PLXND1: variants seen among roughly 807,000 people sequenced by gnomAD.
PLXND1 encodes plexin D1.
Under a neutral mutation model 197.7 loss-of-function variants are expected in PLXND1, and 54 were observed. The observed-to-expected ratio is 0.27, with a 90% CI of 0.22 to 0.34. The LOEUF is 0.34. Ranked by LOEUF, PLXND1 falls within the 10% of genes least tolerant of loss-of-function variation. The probability of loss-of-function intolerance (pLI) is 1.00; values close to 1 mark genes in which losing one functional copy is unlikely to be tolerated. For synonymous variants in PLXND1, 1,180 were observed against 1,161.2 expected, an observed-to-expected ratio of 1.02 and a Z score of -0.33; for missense variants, 2,127 against 2,699.2, an observed-to-expected ratio of 0.79 and a Z score of 4.70.
rs1364346320 is a variant in PLXND1, at chr3:129,571,787, C to A, written c.3135G>T (p.Val1045=). Reference sequence around the variant, plus strand: ...GACGCTCGAAGCGCACACACACAGGCACCGGAGCCGGCAGGGCCCCCTCAG... The same window carrying A: ...GACGCTCGAAGCGCACACACACAGGAACCGGAGCCGGCAGGGCCCCCTCAG... ...TMPEGALPAP[V]PVCVRFERRG... Residue 1045 remains valine (V), a synonymous_variant, in exon 16 of 36, where the codon GTG becomes GTT. Coordinates refer to ENST00000324093, the MANE Select transcript of PLXND1 (RefSeq NM_015103.3). 14 of 1,613,168 alleles carry A rather than the reference C, an allele frequency of 8.7e-6. No homozygotes were observed. The highest frequency in any genetic ancestry group is 1.1e-5 in the Non-Finnish European group (13 of 1,179,918).
Position 129,555,397 on chromosome 3 carries a change from CA to C in PLXND1, c.*914del, listed in dbSNP as rs2084959035. 7 of 635,408 alleles carry C rather than the reference CA, an allele frequency of 1.1e-5. No individual in the cohort carries two copies. Among genetic ancestry groups the C allele is most frequent in the East Asian group, 6.0e-5 (2 of 33,592 alleles). The allele number at this position is 635,408 out of a possible 1,614,324, so 39.4% of individuals were successfully genotyped here. ...CGGAGTGGGTGGTAGTCTCAGGCGC[CA>C]GGGGCGCTCTGCCAGGTCTGCCCGC... On this transcript the variant is annotated 3_prime_UTR_variant, in exon 36 of 36. Coordinates refer to ENST00000324093, the MANE Select transcript of PLXND1 (RefSeq NM_015103.3).
chr3:129,583,702 T>TGG (rs1362045790), intron 7 of PLXND1, 33 bp from the exon 8 acceptor site: 1 of 1,411,032 alleles, frequency 7.1e-7, no homozygotes, highest in Non-Finnish European at 9.9e-7. Flanking sequence ...AACTCCTGGT[T>TGG]CCCCACCCCT....
In PLXND1 at chr3:129,595,921, G is replaced by GCGCGCACACACACACACACA. The variant is rs138452605; in HGVS notation, c.1312-6395_1312-6394insTGTGTGTGTGTGTGTGCGCG. 4.2e-4 allele frequency among the ~76,000 whole-genome samples: 62 copies of GCGCGCACACACACACACACA among 146,506 alleles called. No individual in the cohort carries two copies. The South Asian group carries it at 8.0e-3, about 19-fold the overall frequency. On this transcript the variant is annotated intron_variant, in intron 1 of 35. Coordinates refer to ENST00000324093, the MANE Select transcript of PLXND1 (RefSeq NM_015103.3). ...CTTACAGCCCTGGGGGTGCACGCAC[G>GCGCGCACACACACACACACA]CACACACACACACACACACACACAC... is the stretch of plus-strand genomic sequence containing the variant.
intron 18 of PLXND1, 29 bp from the exon 19 acceptor site, chr3:129,570,964 T>C (rs2085216216): frequency 6.2e-7 from 1 of 1,613,978 alleles, no homozygotes; most frequent in South Asian, 1.1e-5. Context: ...AGGATGCTCA[T>C]GGGGAAGTGC....
At chr3:129,565,817 A>G in intron 24 of PLXND1, 70 bp downstream of exon 24, 1 of 1,526,144 alleles carries the variant, frequency 6.6e-7, no homozygotes, top group African/African-American at 1.4e-5. Flanking sequence ...CCCAGGACCC[A>G]GGACCTGATG....
intron 2 of PLXND1, 99 bp from the exon 3 acceptor site, chr3:129,586,818 T>A (rs1388389196): frequency 3.9e-5 from 55 of 1,398,914 alleles, no homozygotes; most frequent in Non-Finnish European, 4.5e-5. Context: ...TGCCTCCCCA[T>A]CCTGTCTTGG....
At chr3:129,600,046 G>A (rs1280694666) in intron 1 of PLXND1, among the ~76,000 whole-genome samples, 1 of 152,210 alleles carries the variant, frequency 6.6e-6, no homozygotes, top group Non-Finnish European at 1.5e-5. Flanking sequence ...GCGCGAGCTC[G>A]GCGACGGTTT....
intron 12 of PLXND1, 142 bp downstream of exon 12, chr3:129,574,194 C>G (rs750209864): frequency 1.4e-6 from 1 of 706,728 alleles, no homozygotes; most frequent in Non-Finnish European, 2.3e-6. Flanking sequence ...AGGCAGAGCA[C>G]TTCCTTTTGT....
At position 129,569,891 on chromosome 3, in the gene PLXND1, T is replaced by A. The variant is rs1298997689; in HGVS notation, c.3817A>T (p.Ile1273Phe). 14 of 1,613,428 alleles carry A rather than the reference T, an allele frequency of 8.7e-6. No individual in the cohort carries two copies. Among genetic ancestry groups the A allele is most frequent in the Admixed American group, 1.7e-5 (1 of 60,024 alleles). The change falls in exon 20 of 36, where the codon ATC becomes TTC. Residue 1273 changes from isoleucine to phenylalanine, a missense_variant. Ile to Phe is a conservative substitution (Grantham distance 21). This residue lies in a region of PLXND1 where 532 missense variants were observed against 811.0 expected (regional missense o/e 0.66). Transcript: ENST00000324093. ...LQLGGSETAI[I>F]VSIVICSVLL... ...ACGCTGCAGATGACGATGGACACGA[T>A]GATGGCCGTCTCGCTGCCCCCCAGC...
intron 20 of PLXND1, among the ~76,000 whole-genome samples, chr3:129,568,812 G>A (rs1330754968): frequency 2.0e-5 from 3 of 152,198 alleles, no homozygotes; most frequent in Admixed American, 1.3e-4. Flanking sequence ...GCCTCCCAAA[G>A]TGCTGGGACT....
chr3:129,558,846 G>A lies in PLXND1; in HGVS notation c.5298-271C>T. On this transcript the variant is annotated intron_variant, in intron 32 of 35. Coordinates refer to ENST00000324093, the MANE Select transcript of PLXND1 (RefSeq NM_015103.3). This position sits in a 1 kb window ranked among gnomAD's most constrained non-coding sequence, Gnocchi z 4.1. ...CTCCTGAGCCTCCAGTCAGGTCCTGGTTCTCATTAGAACCAGGTGCCGGCC... is the reference window on the plus strand; with the variant it reads ...CTCCTGAGCCTCCAGTCAGGTCCTGATTCTCATTAGAACCAGGTGCCGGCC... The A allele has an allele frequency of 2.4e-6, 1 of 414,206 alleles. No homozygotes were observed. The highest frequency in any genetic ancestry group is 4.4e-6 in the Non-Finnish European group (1 of 226,270). The allele number at this position is 414,206 out of a possible 1,614,324, so 25.7% of individuals were successfully genotyped here.
chr3:129,589,340 A>T lies in PLXND1; in HGVS notation c.1488+11T>A. ...CCCCCACCCCCTCCCCACATCCCCA[A>T]CCATACCTACCTTGAGAAGCCTCCC... On this transcript the variant is annotated intron_variant, in intron 2 of 35. Coordinates refer to ENST00000324093, the MANE Select transcript of PLXND1 (RefSeq NM_015103.3). The T allele has an allele frequency of 1.1e-6, 1 of 925,704 alleles. No individual in the cohort carries two copies. Among genetic ancestry groups the T allele is most frequent in the Non-Finnish European group, 1.6e-6 (1 of 621,900 alleles). 57.3% of individuals were successfully genotyped at this position (925,704 alleles called of 1,614,324 possible). A position where few individuals can be genotyped will look rare whatever the true frequency, so the allele number is the denominator to read the frequency against.
In PLXND1 at chr3:129,571,308, T is replaced by A; in HGVS notation, c.3337-5A>T. On this transcript the variant is annotated splice_region_variant and splice_polypyrimidine_tract_variant and intron_variant, in intron 17 of 35. Transcript: ENST00000324093. ...GGAGTTGAGAACCTTGCAGAGCTGG[T>A]GCAGGAGAGCCAGGGGCCCAGGCCG... The A allele has an allele frequency of 6.2e-7, 1 of 1,610,312 alleles. No individual in the cohort carries two copies. The highest frequency in any genetic ancestry group is 8.5e-7 in the Non-Finnish European group (1 of 1,178,256).
chr3:129,603,824 T>C (rs2085745474), intron 1 of PLXND1, among the ~76,000 whole-genome samples: 1 of 152,188 alleles, frequency 6.6e-6, no homozygotes, highest in African/African-American at 2.4e-5. Context: ...CAAGGAAGGC[T>C]TGGGTCACCA....
At chr3:129,561,957 G>T in intron 27 of PLXND1, 54 bp from the exon 28 acceptor site, 1 of 1,219,136 alleles carries the variant, frequency 8.2e-7, no homozygotes, top group Non-Finnish European at 1.2e-6. Flanking sequence ...GGGCCTGAGG[G>T]GTAGGTACCG....
chr3:129,560,882 C>T (rs2085048326), intron 29 of PLXND1, 159 bp from the exon 30 acceptor site: 3 of 692,370 alleles, frequency 4.3e-6, no homozygotes, highest in Non-Finnish European at 8.0e-6. Flanking sequence ...GAAACGGAGA[C>T]AGAGATCCAA....
chr3:129,592,237 A>G (rs577444218), intron 1 of PLXND1, among the ~76,000 whole-genome samples: 80 of 152,216 alleles, frequency 5.3e-4, no homozygotes, highest in South Asian at 1.0e-3. Context: ...CAGCTGCCCC[A>G]ACCAGGCGGG....
At position 129,560,316 on chromosome 3, in the gene PLXND1, G is replaced by A. The variant is rs766744092; in HGVS notation, c.5133+14C>T. 5 of 1,551,154 alleles carry A rather than the reference G, an allele frequency of 3.2e-6. No homozygotes were observed. In the East Asian group the frequency reaches 6.7e-5, roughly 21 times the overall value. ...GTACCCACTGCACAGAGGGGAGACT[G>A]AGGCCGGACTCACCTTGGTGGAGAG... On this transcript the variant is annotated intron_variant, in intron 31 of 35. Transcript: ENST00000324093.
At chr3:129,603,957 G>A (rs1215073980) in intron 1 of PLXND1, among the ~76,000 whole-genome samples, 1 of 152,144 alleles carries the variant, frequency 6.6e-6, no homozygotes, top group African/African-American at 2.4e-5. Context: ...AGGCCCCAGT[G>A]TCATTCTGGG....
Sources: gnomAD v4.1 joint callset for allele counts (sites outside exome capture counted in the v4.1 genomes callset) on GRCh38, gnomAD v4.1.1 for gene constraint, gnomAD v4.1.1 regional missense constraint, Gnocchi (gnomAD v3.1) non-coding constraint, MANE v1.5 for transcripts, NCBI Gene and HGNC (gene_info 2026-07-23, HGNC 2026-07-21) for gene names.